The following KCTD16 variants were observed in gnomAD, a reference collection of about 807,000 sequenced individuals.
KCTD16 encodes the protein BTB/POZ domain-containing protein KCTD16.
A neutral mutation model predicts 33.2 loss-of-function variants in KCTD16; 13 were observed. That is an observed-to-expected ratio of 0.39 (90% CI 0.25 to 0.62). KCTD16 has a LOEUF of 0.62. Ranked by LOEUF, KCTD16 falls within the 20% of genes least tolerant of loss-of-function variation. KCTD16 has a pLI of 0.50. For missense variants in KCTD16, 441 were observed against 525.1 expected, an observed-to-expected ratio of 0.84 and a Z score of 1.57; for synonymous variants, 197 against 195.3, an observed-to-expected ratio of 1.01 and a Z score of -0.07.
chr5:144,392,850 C>T (rs763223968), intron 3 of KCTD16, among the ~76,000 whole-genome samples: 9 of 152,146 alleles, frequency 5.9e-5, no homozygotes, highest in Non-Finnish European at 1.2e-4. Flanking sequence ...TCCATCAACG[C>T]AAGCCCCTGA....
intron 2 of KCTD16, among the ~76,000 whole-genome samples, chr5:144,203,256 GTATTAA>G (rs766884629): frequency 1.3e-5 from 2 of 151,480 alleles, no homozygotes; most frequent in Admixed American, 6.6e-5. Flanking sequence ...CTTTTTAAGA[GTATTAA>G]TATTAATATT....
At chr5:144,190,184 T>G (rs1752813422) in intron 2 of KCTD16, among the ~76,000 whole-genome samples, 1 of 152,226 alleles carries the variant, frequency 6.6e-6, no homozygotes, top group African/African-American at 2.4e-5. Context: ...ATTTATTTGT[T>G]TACGAGTCTG....
At position 144,355,150 on chromosome 5, in the gene KCTD16, A is replaced by G. The variant is rs144382890; in HGVS notation, c.833-118510A>G. Among the ~76,000 whole-genome samples, 12 of 152,246 alleles carry G rather than the reference A, an allele frequency of 7.9e-5. No individual in the cohort carries two copies. The East Asian group carries it at 2.3e-3, about 29-fold the overall frequency. On this transcript the variant is annotated intron_variant, in intron 3 of 3. Coordinates refer to ENST00000512467, the MANE Select transcript of KCTD16 (RefSeq NM_020768.4). Reference sequence around the variant, plus strand: ...GCTGGGAAACAGACCTACTACCGCCATGTTTACGGCTTGCCCTCCAGTCAT... The same window carrying G: ...GCTGGGAAACAGACCTACTACCGCCGTGTTTACGGCTTGCCCTCCAGTCAT...
At chr5:144,445,976 C>T (rs889826287) in intron 3 of KCTD16, among the ~76,000 whole-genome samples, 1 of 151,936 alleles carries the variant, frequency 6.6e-6, no homozygotes, top group Non-Finnish European at 1.5e-5. Flanking sequence ...TCTGCTGGCT[C>T]TTTGGGAGTT....
intron 2 of KCTD16, among the ~76,000 whole-genome samples, chr5:144,205,071 G>A (rs1753130376): frequency 6.6e-6 from 1 of 152,156 alleles, no homozygotes; most frequent in African/African-American, 2.4e-5. Flanking sequence ...TACCTCTTGG[G>A]TAGGGGGCAG....
intron 3 of KCTD16, among the ~76,000 whole-genome samples, chr5:144,447,861 A>G (rs1396722839): frequency 6.6e-6 from 1 of 152,086 alleles, no homozygotes; most frequent in Non-Finnish European, 1.5e-5. Context: ...TTTGCTCTCT[A>G]TTGGAATTAA....
At chr5:144,314,327 T>C (rs1751848757) in intron 3 of KCTD16, among the ~76,000 whole-genome samples, 1 of 152,090 alleles carries the variant, frequency 6.6e-6, no homozygotes, top group Non-Finnish European at 1.5e-5. Flanking sequence ...CCACAGCAAA[T>C]TGAGATAAAG....
intron 2 of KCTD16, among the ~76,000 whole-genome samples, chr5:144,197,682 A>G (rs376007536): frequency 5.9e-5 from 9 of 152,312 alleles, no homozygotes; most frequent in African/African-American, 1.9e-4. Flanking sequence ...TATATGCCCA[A>G]ATAATTTGGG....
chr5:144,278,884 C>T (rs910342914), intron 3 of KCTD16, among the ~76,000 whole-genome samples: 9 of 152,084 alleles, frequency 5.9e-5, no homozygotes, highest in South Asian at 2.1e-4. Context: ...TTGTATTATA[C>T]GTATAGATCA....
At chr5:144,395,169 A>G (rs1752536686) in intron 3 of KCTD16, among the ~76,000 whole-genome samples, 1 of 152,204 alleles carries the variant, frequency 6.6e-6, no homozygotes, top group African/African-American at 2.4e-5. Context: ...TTTGAGACCC[A>G]CTTAAGGACT....
intron 3 of KCTD16, among the ~76,000 whole-genome samples, chr5:144,293,318 C>T (rs767423597): frequency 6.6e-6 from 1 of 152,232 alleles, no homozygotes; most frequent in African/African-American, 2.4e-5. Context: ...TAGCTGCTTC[C>T]CTAATTTGTT....
At chr5:144,185,937 G>T (rs760563952) in intron 2 of KCTD16, among the ~76,000 whole-genome samples, 3 of 152,040 alleles carry the variant, frequency 2.0e-5, no homozygotes, top group African/African-American at 7.2e-5. Flanking sequence ...TGTTTTACTG[G>T]TAAGATACCT....
intron 2 of KCTD16, among the ~76,000 whole-genome samples, chr5:144,176,596 G>T (rs932693678): frequency 4.0e-5 from 6 of 151,108 alleles, no homozygotes; most frequent in Non-Finnish European, 8.8e-5. Context: ...TAGAGACGGG[G>T]TTTCACCTTG....
chr5:144,271,251 C>G (rs1387514811), intron 3 of KCTD16, among the ~76,000 whole-genome samples: 1 of 151,834 alleles, frequency 6.6e-6, no homozygotes, highest in Non-Finnish European at 1.5e-5. Flanking sequence ...AAAATTGATG[C>G]AAAAATCCTC....
intron 3 of KCTD16, among the ~76,000 whole-genome samples, chr5:144,274,638 C>T (rs1755393445): frequency 6.6e-6 from 1 of 152,144 alleles, no homozygotes; most frequent in Non-Finnish European, 1.5e-5. Context: ...TGTCTGAATT[C>T]AGCCTTCAAA....
At chr5:144,350,747 C>T (rs1244115245) in intron 3 of KCTD16, among the ~76,000 whole-genome samples, 3 of 151,236 alleles carry the variant, frequency 2.0e-5, no homozygotes, top group Non-Finnish European at 4.4e-5. Flanking sequence ...ATTCTCTTTT[C>T]AGGTAACCCT....
At chr5:144,289,014 C>G (rs889452076) in intron 3 of KCTD16, among the ~76,000 whole-genome samples, 4 of 151,624 alleles carry the variant, frequency 2.6e-5, no homozygotes, top group South Asian at 2.1e-4. Flanking sequence ...AACTCTGTCT[C>G]AAAACAAAAA....
chr5:144,400,254 A>G (rs951037820), intron 3 of KCTD16, among the ~76,000 whole-genome samples: 1 of 152,206 alleles, frequency 6.6e-6, no homozygotes, highest in Non-Finnish European at 1.5e-5. Context: ...AGAAATGCCC[A>G]CATACATTTG....
chr5:144,199,996 C>T (rs940498930), intron 2 of KCTD16, among the ~76,000 whole-genome samples: 1 of 151,998 alleles, frequency 6.6e-6, no homozygotes, highest in African/African-American at 2.4e-5. Context: ...GTTTTGAAGA[C>T]AAATTTAAAA....
Sources: allele counts gnomAD v4.1 joint callset (sites outside exome capture counted in the v4.1 genomes callset), GRCh38; gene constraint gnomAD v4.1.1; transcripts MANE v1.5; gene names NCBI Gene and HGNC (gene_info 2026-07-23, HGNC 2026-07-21).